SLC5A12: variants seen among roughly 807,000 people sequenced by gnomAD.
The protein encoded by SLC5A12 is sodium-coupled monocarboxylate transporter 2.
SLC5A12 carries 46 observed loss-of-function variants against 72.7 expected under a neutral mutation model. The observed-to-expected ratio is 0.63, with a 90% CI of 0.50 to 0.81. The LOEUF (loss-of-function observed/expected upper bound fraction) is 0.81, where lower values mean the gene tolerates loss of function less well. Ranked by LOEUF, SLC5A12 falls within the 30% of genes least tolerant of loss-of-function variation. The pLI is 0.00. For missense variants in SLC5A12, 683 were observed against 740.7 expected (o/e 0.92, Z 0.90); for synonymous variants, 275 against 264.4 (o/e 1.04, Z -0.39).
At chr11:26,692,461 G>C in intron 9 of SLC5A12, 28 bp downstream of exon 9, 1 of 1,408,588 alleles carries the variant, frequency 7.1e-7, no homozygotes, top group Non-Finnish European at 1.0e-6. Context: ...TCATGATATG[G>C]AATAGAAAGT....
chr11:26,722,411 A>C (rs1421008858), upstream of SLC5A12, among the ~76,000 whole-genome samples: 1 of 152,212 alleles, frequency 6.6e-6, no homozygotes, highest in Admixed American at 6.5e-5. Context: ...AGGGATAATA[A>C]GACCTTACAA....
At chr11:26,690,537 G>A (rs933514909) in intron 9 of SLC5A12, among the ~76,000 whole-genome samples, 4 of 151,308 alleles carry the variant, frequency 2.6e-5, no homozygotes, top group African/African-American at 4.9e-5. Flanking sequence ...GTGGCCTGGC[G>A]CAGTGGCTCA....
chr11:26,692,556 C>T lies in SLC5A12; in HGVS notation c.1086G>A (p.Glu362=). 6.2e-7 allele frequency: 1 copy of T among 1,614,062 alleles called. No individual in the cohort carries two copies. The highest frequency in any genetic ancestry group is 1.1e-5 in the South Asian group (1 of 91,080). Reference sequence around the variant, plus strand: ...GAGGAAAACAGCTCTTGACAAAATCCTCAAAGGTCACTGTTGCCAAGGCAT... The same window carrying T: ...GAGGAAAACAGCTCTTGACAAAATCTTCAAAGGTCACTGTTGCCAAGGCAT... The part of the protein sequence containing the change: ...SINALATVTF[E]DFVKSCFPHL... Residue 362 remains glutamate (E), a synonymous_variant, in exon 9 of 15, where the codon GAG becomes GAA. Transcript: ENST00000396005.
chr11:26,718,517 T>C (rs141624126), intron 1 of SLC5A12, among the ~76,000 whole-genome samples: 4 of 152,232 alleles, frequency 2.6e-5, no homozygotes, highest in Non-Finnish European at 5.9e-5. Context: ...TGGAGTGCAG[T>C]GGATCTCGGC....
chr11:26,677,342 C>T (rs1854289099), intron 13 of SLC5A12, among the ~76,000 whole-genome samples: 1 of 152,144 alleles, frequency 6.6e-6, no homozygotes, highest in Non-Finnish European at 1.5e-5. Flanking sequence ...ATAAGTGCTG[C>T]TGTATCAACA....
At chr11:26,690,852 T>C (rs2133167109) in intron 9 of SLC5A12, among the ~76,000 whole-genome samples, 1 of 151,518 alleles carries the variant, frequency 6.6e-6, no homozygotes, top group Admixed American at 6.6e-5. Flanking sequence ...ATAATTTAGA[T>C]ATACTGAATA....
At chr11:26,700,387 T>C (rs547450176) in intron 6 of SLC5A12, among the ~76,000 whole-genome samples, 1 of 152,302 alleles carries the variant, frequency 6.6e-6, no homozygotes, top group South Asian at 2.1e-4. Context: ...AGAAAGTATT[T>C]ATTGGGCAAC....
intron 4 of SLC5A12, among the ~76,000 whole-genome samples, chr11:26,707,765 C>T (rs945670402): frequency 7.9e-5 from 12 of 151,896 alleles, no homozygotes; most frequent in African/African-American, 2.9e-4. Context: ...TTTGCTGATC[C>T]TCACTCACAG....
Position 26,668,045 on chromosome 11 carries a change from G to A in SLC5A12, c.*3057C>T, listed in dbSNP as rs982336095. 6.6e-6 allele frequency: 1 copy of A among 151,922 alleles called. No individual in the cohort carries two copies. The highest frequency in any genetic ancestry group is 2.4e-5 in the African/African-American group (1 of 41,398). 9.4% of individuals were successfully genotyped at this position (151,922 alleles called of 1,614,324 possible). On this transcript the variant is annotated 3_prime_UTR_variant, in exon 15 of 15. Transcript: ENST00000396005. ...TAAATCTTCATAATAATTCTATTAA[G>A]TAGGGGTAATTTTTACTCCTATTAA...
chr11:26,678,883 T>C, intron 12 of SLC5A12, 68 bp from the exon 13 acceptor site: 1 of 1,007,194 alleles, frequency 9.9e-7, no homozygotes, highest in East Asian at 2.6e-5. Flanking sequence ...AGAGGACTGC[T>C]CAGGATTCAT....
rs754010929 is a variant in SLC5A12, at chr11:26,678,744, A to G, written c.1547T>C (p.Ile516Thr). ...GAGGCTGATGATTACTCCAGCAACA[A>G]TGCATCCTAAGCAGCCCACTGCACT... is the stretch of plus-strand genomic sequence containing the variant. ...YYSAVGCLGC[I>T]VAGVIISLIT... is the part of the protein sequence containing the mutation. Residue 516 changes from isoleucine (I) to threonine (T), a missense_variant, in exon 13 of 15, where the codon ATT becomes ACT. By Grantham distance (89) the Ile-to-Thr change is moderately conservative (BLOSUM62 -1). Coordinates refer to ENST00000396005, the MANE Select transcript of SLC5A12 (RefSeq NM_178498.4). 5.6e-6 allele frequency: 9 copies of G among 1,613,258 alleles called. 1 individual carries two copies. In the South Asian group the frequency reaches 8.8e-5, roughly 16 times the overall value.
intron 12 of SLC5A12, among the ~76,000 whole-genome samples, chr11:26,679,250 T>C (rs924142619): frequency 2.6e-5 from 4 of 152,036 alleles, no homozygotes; most frequent in African/African-American, 9.7e-5. Context: ...TAAAATACTA[T>C]GGCAGCCTTC....
chr11:26,687,673 A>G (rs983551619), intron 9 of SLC5A12, among the ~76,000 whole-genome samples: 1 of 152,212 alleles, frequency 6.6e-6, no homozygotes, highest in Non-Finnish European at 1.5e-5. Context: ...GAGTCATTAC[A>G]TGATATTCCT....
chr11:26,673,573 A>G, intron 13 of SLC5A12, 44 bp from the exon 14 acceptor site: 2 of 1,524,648 alleles, frequency 1.3e-6, no homozygotes, highest in Non-Finnish European at 1.8e-6. Context: ...GCAGGCCTCC[A>G]TGTCTTCCTT....
intron 4 of SLC5A12, among the ~76,000 whole-genome samples, chr11:26,705,418 C>T (rs181644074): frequency 6.6e-6 from 1 of 152,148 alleles, no homozygotes; most frequent in Admixed American, 6.6e-5. Flanking sequence ...CATTGAAAAA[C>T]AGAATTATCA....
At position 26,721,875 on chromosome 11, in the gene SLC5A12, C is replaced by A. The variant is rs1855490399; in HGVS notation, c.-161G>T. ...GGCACTCGTGTGAATCTTCAGACAC[C>A]AACGTGTACTTAGTGAAGATCTCAA... On this transcript the variant is annotated 5_prime_UTR_variant, in exon 1 of 15. Coordinates refer to ENST00000396005, the MANE Select transcript of SLC5A12 (RefSeq NM_178498.4). The A allele has an allele frequency of 9.1e-6, 6 of 661,222 alleles. No individual in the cohort carries two copies. The highest frequency in any genetic ancestry group is 4.2e-4 in the Middle Eastern group (1 of 2,364). The allele number at this position is 661,222 out of a possible 1,614,324, so 41.0% of individuals were successfully genotyped here.
Position 26,697,270 on chromosome 11 carries a change from CAT to C in SLC5A12, c.952-20_952-19del. ...GGCATCAGCTGAAGAGGAGGCAAAACATAAAAAAATAAATAAAAAGAAGAAAG... is the reference window on the plus strand; with the variant it reads ...GGCATCAGCTGAAGAGGAGGCAAAACAAAAAAATAAATAAAAAGAAGAAAG... On this transcript the variant is annotated intron_variant, in intron 7 of 14. Coordinates refer to ENST00000396005, the MANE Select transcript of SLC5A12 (RefSeq NM_178498.4). 5 of 1,555,898 alleles carry C rather than the reference CAT, an allele frequency of 3.2e-6. No individual in the cohort carries two copies. The highest frequency in any genetic ancestry group is 4.3e-6 in the Non-Finnish European group (5 of 1,152,544).
chr11:26,681,208 C>A lies in SLC5A12; in HGVS notation c.1322G>T (p.Gly441Val). 2 of 1,595,442 alleles carry A rather than the reference C, an allele frequency of 1.3e-6. No individual in the cohort carries two copies. Among genetic ancestry groups the A allele is most frequent in the Non-Finnish European group, 1.7e-6 (2 of 1,171,752 alleles). Residue 441 changes from glycine (G) to valine (V), a missense_variant, in exon 12 of 15, where the codon GGT (glycine) becomes GTT (valine). By Grantham distance (109) the Gly-to-Val change is moderately radical. Coordinates refer to ENST00000396005, the MANE Select transcript of SLC5A12 (RefSeq NM_178498.4). ...PFVNWKGALG[G>V]LLTGITLSFW... Reference sequence around the variant, plus strand: ...TGACAAGGTGATTCCAGTAAGAAGACCTCCTAGTGCACCCTGGATGAAGAA... The same window carrying A: ...TGACAAGGTGATTCCAGTAAGAAGAACTCCTAGTGCACCCTGGATGAAGAA...
At position 26,701,071 on chromosome 11, in the gene SLC5A12, C is replaced by T. The variant is rs368772122; in HGVS notation, c.821+2460G>A. On this transcript the variant is annotated intron_variant, in intron 6 of 14. Coordinates refer to ENST00000396005, the MANE Select transcript of SLC5A12 (RefSeq NM_178498.4). ...CAGAGCCTCCTAAGTGACAGTCAGT[C>T]AGCAGCTGGCTCTGAGTGGCTTCCA... is the stretch of plus-strand genomic sequence containing the variant. Among the ~76,000 whole-genome samples the T allele has an allele frequency of 7.9e-5, 12 of 152,298 alleles. No homozygotes were observed. The South Asian group carries it at 1.2e-3, about 16-fold the overall frequency.
Sources: gnomAD v4.1 joint callset for allele counts (sites outside exome capture counted in the v4.1 genomes callset) on GRCh38, gnomAD v4.1.1 for gene constraint, MANE v1.5 for transcripts, NCBI Gene and HGNC (gene_info 2026-07-23, HGNC 2026-07-21) for gene names.